WDR17: variants seen among roughly 807,000 people sequenced by gnomAD.
WDR17 encodes WD repeat-containing protein 17.
Under a neutral mutation model 161.7 loss-of-function variants are expected in WDR17, and 143 were observed. The ratio of observed to expected loss-of-function variants is 0.88; its 90% CI spans 0.77 to 1.02. The LOEUF is 1.02. Ranked by LOEUF, WDR17 falls within the 50% of genes least tolerant of loss-of-function variation. WDR17 has a pLI of 0.00. For missense variants in WDR17, 1,469 were observed against 1,520.9 expected, an observed-to-expected ratio of 0.97 and a Z score of 0.57; for synonymous variants, 517 against 515.6, an observed-to-expected ratio of 1.00 and a Z score of -0.04.
intron 9 of WDR17, among the ~76,000 whole-genome samples, chr4:176,139,550 C>G (rs1054328265): frequency 1.3e-5 from 2 of 151,894 alleles, no homozygotes; most frequent in African/African-American, 4.8e-5. Flanking sequence ...GTTTTCATCA[C>G]CATACTGGTA....
Position 176,135,269 on chromosome 4 carries a change from G to A in WDR17, c.1260G>A (p.Trp420Ter). The A allele has an allele frequency of 6.2e-7, 1 of 1,611,680 alleles. No individual in the cohort carries two copies. Among genetic ancestry groups the A allele is most frequent in the Non-Finnish European group, 8.5e-7 (1 of 1,178,200 alleles). Residue 420 changes from tryptophan to a stop codon, truncating the protein, a stop_gained, in exon 8 of 29, where the codon TGG becomes TGA. Transcript: ENST00000508596. LOFTEE classifies it high-confidence loss of function. ...AAGGTGTTATTTATTCCCTTTCTTG[G>A]GCTCCAGGTAAGAGATATTTTATTG... ...GNEGVIYSLS[W>*]APGGLNCIAG...
intron 1 of WDR17, among the ~76,000 whole-genome samples, chr4:176,108,317 G>A (rs574660618): frequency 7.7e-4 from 117 of 152,246 alleles, no homozygotes; most frequent in African/African-American, 2.7e-3. Context: ...AAAGAAGGCA[G>A]TCTGTAAAGG....
chr4:176,115,993 T>C lies in WDR17; in HGVS notation c.307+14T>C, dbSNP rs755354575. 1.3e-6 allele frequency: 2 copies of C among 1,579,374 alleles called. No individual in the cohort carries two copies. Among genetic ancestry groups the C allele is most frequent in the Non-Finnish European group, 1.7e-6 (2 of 1,166,200 alleles). ...ACAGTACAAAAGGTATAATTACAAC[T>C]GGGATTTATTTTATGGAATAAAATA... On this transcript the variant is annotated intron_variant, in intron 3 of 28. Transcript: ENST00000508596.
chr4:176,168,859 G>C (rs1418890017), intron 23 of WDR17, 76 bp downstream of exon 23: 4 of 1,506,106 alleles, frequency 2.7e-6, no homozygotes, highest in East Asian at 4.6e-5. Flanking sequence ...CAAGCAAATA[G>C]AGATGCATGC....
At chr4:176,119,507 T>G (rs184235487) in intron 3 of WDR17, among the ~76,000 whole-genome samples, 1 of 152,270 alleles carries the variant, frequency 6.6e-6, no homozygotes, top group East Asian at 1.9e-4. Context: ...CACACTACCT[T>G]GTATACCTAG....
rs192611454 is a variant in WDR17, at chr4:176,110,761, C to G, written c.-6-814C>G. ...TAGTTCAGAAGCTGTATTTTAGATACGAGAAATAGAGACGTAAGGTTTAAT... is the reference window on the plus strand; with the variant it reads ...TAGTTCAGAAGCTGTATTTTAGATAGGAGAAATAGAGACGTAAGGTTTAAT... On this transcript the variant is annotated intron_variant, in intron 1 of 28. Coordinates refer to ENST00000508596, the MANE Select transcript of WDR17 (RefSeq NM_181265.4). 2.6e-5 allele frequency among the ~76,000 whole-genome samples: 4 copies of G among 152,028 alleles called. No individual in the cohort carries two copies. In the South Asian group the frequency reaches 8.3e-4, roughly 32 times the overall value.
At chr4:176,121,720 CTT>C (rs1258791697) in intron 4 of WDR17, among the ~76,000 whole-genome samples, 1 of 152,076 alleles carries the variant, frequency 6.6e-6, no homozygotes, top group African/African-American at 2.4e-5. Context: ...GACATTGAGA[CTT>C]TTTATTGTGT....
chr4:176,120,316 A>ATG (rs1401753946), intron 4 of WDR17, among the ~76,000 whole-genome samples: 4 of 144,412 alleles, frequency 2.8e-5, no homozygotes, highest in Non-Finnish European at 6.0e-5. Context: ...ATATATATAT[A>ATG]TATAATACAT....
At chr4:176,135,527 T>TA (rs1233689479) in intron 8 of WDR17, among the ~76,000 whole-genome samples, 1 of 151,612 alleles carries the variant, frequency 6.6e-6, no homozygotes, top group Admixed American at 6.6e-5. Flanking sequence ...GGATTATCTT[T>TA]ACCTGTCTAA....
intron 3 of WDR17, among the ~76,000 whole-genome samples, 190 bp from the exon 4 acceptor site, chr4:176,119,677 C>T (rs1282477945): frequency 6.6e-6 from 1 of 152,158 alleles, no homozygotes; most frequent in African/African-American, 2.4e-5. Context: ...CATTTTCTTT[C>T]ATCATGGACT....
At chr4:176,106,066 A>G (rs906582290) in intron 1 of WDR17, among the ~76,000 whole-genome samples, 3 of 152,060 alleles carry the variant, frequency 2.0e-5, no homozygotes, top group Admixed American at 6.5e-5. Flanking sequence ...AACTAATTCA[A>G]TAACCTAGAT....
chr4:176,102,545 G>A (rs1335752072), intron 1 of WDR17, among the ~76,000 whole-genome samples: 1 of 152,168 alleles, frequency 6.6e-6, no homozygotes, highest in African/African-American at 2.4e-5. Flanking sequence ...GCAGCACATG[G>A]ATGTTTATAG....
intron 11 of WDR17, among the ~76,000 whole-genome samples, chr4:176,143,514 A>T (rs1358542453): frequency 2.0e-5 from 3 of 150,212 alleles, no homozygotes; most frequent in African/African-American, 5.0e-5. Context: ...AAAAAAAAAA[A>T]ATGAAAAATG....
intron 11 of WDR17, among the ~76,000 whole-genome samples, chr4:176,145,771 A>G (rs1253493939): frequency 6.6e-6 from 1 of 152,196 alleles, no homozygotes; most frequent in Non-Finnish European, 1.5e-5. Context: ...TAAAAATTCA[A>G]CCAGTTAAAA....
At chr4:176,093,652 A>G (rs1736427367) in intron 1 of WDR17, among the ~76,000 whole-genome samples, 1 of 152,174 alleles carries the variant, frequency 6.6e-6, no homozygotes. Context: ...GAAGATGTGT[A>G]ATAAATTTCC....
chr4:176,112,917 G>A (rs759439882), intron 2 of WDR17, among the ~76,000 whole-genome samples: 9 of 151,996 alleles, frequency 5.9e-5, no homozygotes, highest in Non-Finnish European at 8.8e-5. Context: ...CTACATATTC[G>A]TACATTACTA....
rs1487496241 is a variant in WDR17, at chr4:176,065,929, C to CGCGGGCCCG, written c.-154_-146dup. ...AGCACGCTTCCCGCCCCTCGGAGCC[C>CGCGGGCCCG]GCGGGCCCGGCCGCCCCGCCCCCGG... On this transcript the variant is annotated 5_prime_UTR_variant, in exon 1 of 29. Transcript: ENST00000508596. 1 of 152,046 alleles carries CGCGGGCCCG rather than the reference C, an allele frequency of 6.6e-6. No homozygotes were observed. Among genetic ancestry groups the CGCGGGCCCG allele is most frequent in the Non-Finnish European group, 1.5e-5 (1 of 68,000 alleles). The allele number at this position is 152,046 out of a possible 1,614,324, so 9.4% of individuals were successfully genotyped here. A position where few individuals can be genotyped will look rare whatever the true frequency, so the allele number is the denominator to read the frequency against.
At chr4:176,107,265 C>T (rs1224090018) in intron 1 of WDR17, among the ~76,000 whole-genome samples, 1 of 151,762 alleles carries the variant, frequency 6.6e-6, no homozygotes, top group African/African-American at 2.4e-5. Context: ...ATTAGAATGG[C>T]TATTATCAAA....
At position 176,182,139 on chromosome 4, in the gene WDR17, A is replaced by G. The variant is rs184321802; in HGVS notation, c.*2560A>G. On this transcript the variant is annotated 3_prime_UTR_variant, in exon 29 of 29. Coordinates refer to ENST00000508596, the MANE Select transcript of WDR17 (RefSeq NM_181265.4). The surrounding 1 kb of genome is among the most constrained non-coding windows in gnomAD (Gnocchi z 4.2). ...TATTTTACTATTTGAAAATGTTCAT[A>G]TTACCAATAATGTGGACAAATTACT... The G allele has an allele frequency of 1.3e-5, 2 of 152,172 alleles. No homozygotes were observed. The highest frequency in any genetic ancestry group is 4.8e-5 in the African/African-American group (2 of 41,582). 9.4% of individuals were successfully genotyped at this position (152,172 alleles called of 1,614,324 possible). A position where few individuals can be genotyped will look rare whatever the true frequency, so the allele number is the denominator to read the frequency against.
Sources: gnomAD v4.1 joint callset for allele counts (sites outside exome capture counted in the v4.1 genomes callset) on GRCh38, gnomAD v4.1.1 for gene constraint, Gnocchi (gnomAD v3.1) non-coding constraint, MANE v1.5 for transcripts, NCBI Gene and HGNC (gene_info 2026-07-23, HGNC 2026-07-21) for gene names.